HERC2: variants seen among roughly 807,000 people sequenced by gnomAD.
HERC2 encodes the protein E3 ubiquitin-protein ligase HERC2.
HERC2 carries 102 observed loss-of-function variants against 537.7 expected under a neutral mutation model. The observed-to-expected ratio is 0.19, with a 90% CI of 0.16 to 0.22. The LOEUF (loss-of-function observed/expected upper bound fraction) is 0.22, where lower values mean the gene tolerates loss of function less well. HERC2 is among the 10% of genes least tolerant of loss of function. The probability of loss-of-function intolerance (pLI) is 1.00; values close to 1 mark genes in which losing one functional copy is unlikely to be tolerated. For missense variants in HERC2, 4,236 were observed against 6,198.2 expected, an observed-to-expected ratio of 0.68 and a Z score of 10.63; for synonymous variants, 2,224 against 2,466.2, an observed-to-expected ratio of 0.90 and a Z score of 2.91.
chr15:28,296,687 CAT>C (rs2076478484), intron 3 of HERC2, among the ~76,000 whole-genome samples: 1 of 46,564 alleles, frequency 2.1e-5, no homozygotes, highest in African/African-American at 8.6e-5. Flanking sequence ...ATTACTGATA[CAT>C]AAAAAAAAAA....
intron 20 of HERC2, among the ~76,000 whole-genome samples, chr15:28,253,831 G>C (rs1416344982): frequency 6.6e-6 from 1 of 151,744 alleles, no homozygotes; most frequent in African/African-American, 2.4e-5. Flanking sequence ...GTGTGGTTGC[G>C]GACGCCTGTA....
At chr15:28,277,013 TG>T (rs1157509989) in intron 5 of HERC2, among the ~76,000 whole-genome samples, 1 of 152,174 alleles carries the variant, frequency 6.6e-6, no homozygotes, top group African/African-American at 2.4e-5. Context: ...AGTTTGAGGC[TG>T]CAGTGAGCTA....
chr15:28,198,806 T>C lies in HERC2; in HGVS notation c.7717-37A>G, dbSNP rs563109069. On this transcript the variant is annotated intron_variant, in intron 48 of 92. Transcript: ENST00000261609. ...ATGAAATTGGAGATCCAGTCCATCA[T>C]GTACACAGGTGAAATGAGCCATGAT... 6 of 1,546,866 alleles carry C rather than the reference T, an allele frequency of 3.9e-6. No homozygotes were observed. The Admixed American group carries it at 7.0e-5, about 18-fold the overall frequency.
chr15:28,194,914 G>T (rs1897204632), intron 52 of HERC2, among the ~76,000 whole-genome samples: 1 of 151,980 alleles, frequency 6.6e-6, no homozygotes, highest in Non-Finnish European at 1.5e-5. Context: ...AAATTAGCCA[G>T]GCATGGTGGT....
intron 65 of HERC2, among the ~76,000 whole-genome samples, chr15:28,171,281 T>C (rs11074326): frequency 0.2 from 30,072 of 152,192 alleles, 5,609 homozygotes; most frequent in African/African-American, 0.47. Flanking sequence ...GAACATACTA[T>C]GTAATATGTA....
rs757170828 is a variant in HERC2, at chr15:28,233,702, C to A, written c.4313G>T (p.Arg1438Leu). Residue 1438 changes from arginine to leucine, a missense_variant, in exon 28 of 93, where the codon CGC (arginine) becomes CTC (leucine). Transcript: ENST00000261609. ...PPEHPVEEVG[R>L]LLLCCLLKHE... ...TTTTAAGAGGCAACATAACAACAAGCGACCGACCTCTTCCACGGGATGCTC... is the reference window on the plus strand; with the variant it reads ...TTTTAAGAGGCAACATAACAACAAGAGACCGACCTCTTCCACGGGATGCTC... 3.7e-6 allele frequency: 6 copies of A among 1,613,768 alleles called. No homozygotes were observed. The highest frequency in any genetic ancestry group is 2.7e-5 in the African/African-American group (2 of 74,894).
chr15:28,173,802 A>C (rs1894937762), intron 65 of HERC2, among the ~76,000 whole-genome samples: 1 of 151,784 alleles, frequency 6.6e-6, no homozygotes, highest in Non-Finnish European at 1.5e-5. Flanking sequence ...AAAAAAAAAA[A>C]AAAAAACCCA....
chr15:28,263,209 A>G (rs1386519485), intron 14 of HERC2, 40 bp from the exon 15 acceptor site: 25 of 1,582,518 alleles, frequency 1.6e-5, no homozygotes, highest in Non-Finnish European at 2.1e-5. Context: ...ACAACTCTGC[A>G]TTTTAACGAA....
In HERC2 at chr15:28,254,349, T is replaced by C; in HGVS notation, c.3041A>G (p.Gln1014Arg). The C allele has an allele frequency of 1.3e-6, 2 of 1,584,464 alleles. No individual in the cohort carries two copies. The highest frequency in any genetic ancestry group is 8.6e-7 in the Non-Finnish European group (1 of 1,167,560). Residue 1014 changes from glutamine to arginine, a missense_variant, in exon 20 of 93, where the codon CAG becomes CGG. Transcript: ENST00000261609. ...AGCTACTACGATTTACCTAAGAAGC[T>C]GTTGTATGAGCTGAACCAGAGGCAA... ...QCLPLVQLIQQLLRNIASQTV... is the reference protein window; with the variant it reads ...QCLPLVQLIQRLLRNIASQTV...
intron 86 of HERC2, chr15:28,117,382 G>A (rs756565657): frequency 2.7e-5 from 19 of 699,824 alleles, no homozygotes; most frequent in South Asian, 2.5e-4. Flanking sequence ...CCAGTGATGT[G>A]CCCAGCAGCC....
At chr15:28,250,629 T>C (rs1459315906) in intron 20 of HERC2, among the ~76,000 whole-genome samples, 1 of 152,204 alleles carries the variant, frequency 6.6e-6, no homozygotes, top group Admixed American at 6.5e-5. Flanking sequence ...CGGCTTATTT[T>C]TGGCAAGCAG....
rs190366601 is a variant in HERC2 at position 28,122,442 on chromosome 15, A to G, written c.13189-1013T>C. Among the ~76,000 whole-genome samples, 53 of 152,296 alleles carry G rather than the reference A, an allele frequency of 3.5e-4. No homozygotes were observed. Among genetic ancestry groups the G allele is most frequent in the Middle Eastern group, 3.4e-3 (1 of 294 alleles). On this transcript the variant is annotated intron_variant, in intron 85 of 92. Transcript: ENST00000261609. The surrounding 1 kb of genome is among the most constrained non-coding windows in gnomAD (Gnocchi z 4.1). ...CCCAGCTCAAAGCCTAAGAACTCCA[A>G]GCCCTGAAGGCAGGAGGTGAGGGCC...
chr15:28,255,832 T>G, intron 19 of HERC2, 40 bp downstream of exon 19: 1 of 1,584,156 alleles, frequency 6.3e-7, no homozygotes, highest in Non-Finnish European at 8.6e-7. Flanking sequence ...ATTTCTGATC[T>G]CAGTGCACCA....
chr15:28,221,754 C>T (rs1900544306), intron 36 of HERC2, among the ~76,000 whole-genome samples: 1 of 150,342 alleles, frequency 6.7e-6, no homozygotes, highest in African/African-American at 2.5e-5. Flanking sequence ...CTCACTCTCA[C>T]ACTCTTGTTC....
At chr15:28,298,161 T>G (rs1337377380) in intron 3 of HERC2, among the ~76,000 whole-genome samples, 28 of 151,280 alleles carry the variant, frequency 1.9e-4, no homozygotes, top group Admixed American at 1.3e-4. Flanking sequence ...TTTTTTGTTT[T>G]TTTTTTTTTT....
At position 28,116,721 on chromosome 15, in the gene HERC2, T is replaced by C. The variant is rs1888300477; in HGVS notation, c.13553A>G (p.Tyr4518Cys). The C allele has an allele frequency of 1.9e-6, 3 of 1,613,850 alleles. No individual in the cohort carries two copies. Among genetic ancestry groups the C allele is most frequent in the Non-Finnish European group, 2.5e-6 (3 of 1,179,974 alleles). The change falls in exon 88 of 93, where the codon TAC becomes TGC. Residue 4518 changes from tyrosine to cysteine, a missense_variant. Around this residue, in one of 27 missense-constraint regions of HERC2, gnomAD observed 313 missense variants for 462.6 expected, o/e 0.68. Coordinates refer to ENST00000261609, the MANE Select transcript of HERC2 (RefSeq NM_004667.6). ...RDESGANRDC[Y>C]LLSPAARAPV... is the part of the protein sequence containing the mutation. ...TGCTCTGGCGGCCGGGCTGAGCAGG[T>C]AGCAGTCTCGGTTGGCCCCAGACTC...
rs1436702452 is a variant in HERC2 at position 28,198,550 on chromosome 15, G to A, written c.7886-47C>T. 4 of 1,609,270 alleles carry A rather than the reference G, an allele frequency of 2.5e-6. No homozygotes were observed. In the South Asian group the frequency reaches 4.4e-5, roughly 18 times the overall value. On this transcript the variant is annotated intron_variant, in intron 49 of 92. Transcript: ENST00000261609. ...CATTATAATCAATATTCATTTAAGG[G>A]AATTTTGTCTCTAAGAAAAAACAAA...
At chr15:28,219,960 G>A (rs1441407557) in intron 37 of HERC2, among the ~76,000 whole-genome samples, 1 of 152,206 alleles carries the variant, frequency 6.6e-6, no homozygotes, top group African/African-American at 2.4e-5. Flanking sequence ...GCGATAAAGT[G>A]CTGACTAACT....
chr15:28,240,773 G>T (rs771081210), intron 23 of HERC2, among the ~76,000 whole-genome samples: 10 of 152,190 alleles, frequency 6.6e-5, no homozygotes, highest in Non-Finnish European at 1.5e-4. Flanking sequence ...TTTGACATGG[G>T]AGCCAAGACC....
Sources: allele counts gnomAD v4.1 joint callset (sites outside exome capture counted in the v4.1 genomes callset), GRCh38; gene constraint gnomAD v4.1.1; regional missense constraint gnomAD v4.1.1; non-coding constraint Gnocchi (gnomAD v3.1); transcripts MANE v1.5; gene names NCBI Gene and HGNC (gene_info 2026-07-23, HGNC 2026-07-21).